The following ADCY5 variants were observed in gnomAD, a reference collection of about 807,000 sequenced individuals.
ADCY5 encodes the protein adenylate cyclase 5.
Under a neutral mutation model 119.7 loss-of-function variants are expected in ADCY5, and 30 were observed. The ratio of observed to expected loss-of-function variants is 0.25; its 90% CI spans 0.19 to 0.34. The LOEUF (loss-of-function observed/expected upper bound fraction) is 0.34, where lower values mean the gene tolerates loss of function less well. Among genes scored for constraint, ADCY5 ranks in the 10% least tolerant of loss-of-function variants. The probability of loss-of-function intolerance (pLI) is 1.00; values close to 1 mark genes in which losing one functional copy is unlikely to be tolerated. For synonymous variants in ADCY5, 753 were observed against 762.2 expected (o/e 0.99, Z 0.20); for missense variants, 1,324 against 1,775.2 (o/e 0.75, Z 4.57).
intron 1 of ADCY5, among the ~76,000 whole-genome samples, chr3:123,446,938 C>A (rs534367536): frequency 2.0e-5 from 3 of 152,314 alleles, no homozygotes; most frequent in African/African-American, 7.2e-5. Flanking sequence ...CATGCTACCT[C>A]CTCCTTACCA....
At chr3:123,296,816 AATAG>A (rs958687642) in intron 16 of ADCY5, among the ~76,000 whole-genome samples, 2 of 152,234 alleles carry the variant, frequency 1.3e-5, no homozygotes, top group African/African-American at 4.8e-5. Context: ...TTTTGTTACT[AATAG>A]ATACTCTTAA....
At chr3:123,287,044 G>T in intron 19 of ADCY5, 1 of 479,722 alleles carries the variant, frequency 2.1e-6, no homozygotes, top group Non-Finnish European at 3.6e-6. Context: ...CACCAGGAGT[G>T]CCCTCTTCAA....
Position 123,320,733 on chromosome 3 carries a change from AG to A in ADCY5, c.2111+15del. 1 of 1,612,430 alleles carries A rather than the reference AG, an allele frequency of 6.2e-7. No homozygotes were observed. Among genetic ancestry groups the A allele is most frequent in the Non-Finnish European group, 8.5e-7 (1 of 1,178,470 alleles). On this transcript the variant is annotated intron_variant, in intron 9 of 20. Coordinates refer to ENST00000462833, the MANE Select transcript of ADCY5 (RefSeq NM_183357.3). ...CAGACCCAGGGAGCAGGAATAAGGA[AG>A]GGCATATTACTCACTTGTCCTTGGG... is the stretch of plus-strand genomic sequence containing the variant.
chr3:123,378,667 A>G (rs1943925965), intron 1 of ADCY5, among the ~76,000 whole-genome samples: 1 of 152,192 alleles, frequency 6.6e-6, no homozygotes, highest in Admixed American at 6.5e-5. Context: ...GTGAAAACTC[A>G]AGGCTCAAAT....
At chr3:123,431,446 A>C (rs1945520724) in intron 1 of ADCY5, among the ~76,000 whole-genome samples, 1 of 4,308 alleles carries the variant, frequency 2.3e-4, no homozygotes, top group African/African-American at 3.4e-4. Context: ...CTCTCTCAAA[A>C]GAAAAAAAAA....
chr3:123,295,059 C>T (rs992219688), intron 17 of ADCY5, among the ~76,000 whole-genome samples: 1 of 152,216 alleles, frequency 6.6e-6, no homozygotes, highest in Non-Finnish European at 1.5e-5. Context: ...CTGGTTTCCC[C>T]AAACTCAGGG....
chr3:123,400,893 G>A (rs552699993), intron 1 of ADCY5, among the ~76,000 whole-genome samples: 4 of 151,920 alleles, frequency 2.6e-5, no homozygotes, highest in African/African-American at 7.2e-5. Flanking sequence ...GCACTGAGCC[G>A]AGATCACGCC....
At chr3:123,392,206 T>G (rs1944418470) in intron 1 of ADCY5, among the ~76,000 whole-genome samples, 1 of 152,204 alleles carries the variant, frequency 6.6e-6, no homozygotes. Flanking sequence ...TAGAAAGAAA[T>G]AGCAAAATGT....
chr3:123,313,181 C>T (rs902237150), intron 12 of ADCY5, among the ~76,000 whole-genome samples: 2 of 152,342 alleles, frequency 1.3e-5, no homozygotes, highest in African/African-American at 2.4e-5. Flanking sequence ...AGGTGAACCA[C>T]ACCAGGTGAT....
At chr3:123,313,751 A>G (rs1431234290) in intron 12 of ADCY5, among the ~76,000 whole-genome samples, 1 of 152,206 alleles carries the variant, frequency 6.6e-6, no homozygotes, top group East Asian at 1.9e-4. Flanking sequence ...TGAAAACACC[A>G]AAACACACTC....
chr3:123,382,789 G>A (rs1576646615), intron 1 of ADCY5, among the ~76,000 whole-genome samples: 1 of 152,314 alleles, frequency 6.6e-6, no homozygotes, highest in East Asian at 1.9e-4. Flanking sequence ...AATGGGTAGA[G>A]TTTCTGTTTG....
intron 1 of ADCY5, among the ~76,000 whole-genome samples, chr3:123,419,613 T>C (rs560214026): frequency 9.2e-5 from 14 of 152,280 alleles, no homozygotes; most frequent in Admixed American, 9.2e-4. Context: ...CCTCAACTCC[T>C]GCCTGCTCCA....
chr3:123,428,229 G>T (rs1945451864), intron 1 of ADCY5, among the ~76,000 whole-genome samples: 1 of 152,182 alleles, frequency 6.6e-6, no homozygotes, highest in African/African-American at 2.4e-5. Context: ...GGCACACACA[G>T]GCAGGACCTT....
At chr3:123,377,824 G>A (rs560915552) in intron 1 of ADCY5, among the ~76,000 whole-genome samples, 1 of 151,200 alleles carries the variant, frequency 6.6e-6, no homozygotes, top group East Asian at 2.0e-4. Flanking sequence ...CAGCTACTCG[G>A]GAGGCTGAGA....
rs1052282470 is a variant in ADCY5, at chr3:123,283,498, C to T, written c.*1110G>A. On this transcript the variant is annotated 3_prime_UTR_variant, in exon 21 of 21. Coordinates refer to ENST00000462833, the MANE Select transcript of ADCY5 (RefSeq NM_183357.3). ...TGTGTGTACATACGTGTGCGTGTGT[C>T]AGAAAAGATGGGGCAGTGTGTCCAT... The T allele has an allele frequency of 5.3e-5, 8 of 151,412 alleles. No individual in the cohort carries two copies. The highest frequency in any genetic ancestry group is 2.0e-4 in the African/African-American group (8 of 40,698). 9.4% of individuals were successfully genotyped at this position (151,412 alleles called of 1,614,324 possible).
chr3:123,308,266 T>C (rs1940321003), intron 12 of ADCY5, among the ~76,000 whole-genome samples: 1 of 151,744 alleles, frequency 6.6e-6, no homozygotes, highest in Non-Finnish European at 1.5e-5. Context: ...CTTGATCTGC[T>C]GACCTCGTGA....
intron 1 of ADCY5, chr3:123,419,164 ACCGCATCC>A: frequency 1.0e-6 from 1 of 985,292 alleles, no homozygotes; most frequent in Non-Finnish European, 1.2e-6. Flanking sequence ...CCGAGAGAGC[ACCGCATCC>A]CCTCCCCTCA....
intron 3 of ADCY5, among the ~76,000 whole-genome samples, chr3:123,345,765 G>C (rs11720702): frequency 0.47 from 62,519 of 134,272 alleles, 15,122 homozygotes; most frequent in East Asian, 0.71. Context: ...CAGACAGACA[G>C]ACAGACACAC....
At chr3:123,318,193 C>A in intron 10 of ADCY5, 76 bp from the exon 11 acceptor site, 1 of 1,173,006 alleles carries the variant, frequency 8.5e-7, no homozygotes, top group Non-Finnish European at 1.2e-6. Context: ...ATCCCACACA[C>A]CCAGGGAAGC....
Sources: allele counts gnomAD v4.1 joint callset (sites outside exome capture counted in the v4.1 genomes callset), GRCh38; gene constraint gnomAD v4.1.1; transcripts MANE v1.5; gene names NCBI Gene and HGNC (gene_info 2026-07-23, HGNC 2026-07-21).